The following ALDH18A1 variants were observed in gnomAD, a reference collection of about 807,000 sequenced individuals.
The protein encoded by ALDH18A1 is aldehyde dehydrogenase 18 family member A1.
Under a neutral mutation model 88.8 loss-of-function variants are expected in ALDH18A1, and 44 were observed. The ratio of observed to expected loss-of-function variants is 0.50; its 90% CI spans 0.39 to 0.64. The LOEUF (loss-of-function observed/expected upper bound fraction) is 0.64. Among genes scored for constraint, ALDH18A1 ranks in the 30% least tolerant of loss-of-function variants. ALDH18A1 has a pLI of 0.00. For missense variants in ALDH18A1, 782 were observed against 1,009.5 expected, an observed-to-expected ratio of 0.77 and a Z score of 3.05; for synonymous variants, 331 against 372.1, an observed-to-expected ratio of 0.89 and a Z score of 1.27.
rs573740277 is a variant in ALDH18A1 at position 95,645,169 on chromosome 10, C to G, written c.89-1963G>C. Among the ~76,000 whole-genome samples the G allele has an allele frequency of 2.6e-5, 4 of 152,252 alleles. No individual in the cohort carries two copies. The East Asian group carries it at 7.7e-4, about 29-fold the overall frequency. On this transcript the variant is annotated intron_variant, in intron 2 of 17. Coordinates refer to ENST00000371224, the MANE Select transcript of ALDH18A1 (RefSeq NM_002860.4). ...AGCACTTAAGCAAATAGACGTTCCT[C>G]CCTGATAGCAAGAAGCAAGACAAGG...
intron 17 of ALDH18A1, among the ~76,000 whole-genome samples, chr10:95,609,696 C>G (rs1364712210): frequency 6.6e-6 from 1 of 152,004 alleles, no homozygotes; most frequent in African/African-American, 2.4e-5. Flanking sequence ...AGAAGATAGG[C>G]CTTCCACCAA....
At chr10:95,619,138 T>C (rs547771358) in intron 12 of ALDH18A1, among the ~76,000 whole-genome samples, 11 of 152,286 alleles carry the variant, frequency 7.2e-5, no homozygotes, top group African/African-American at 2.4e-4. Context: ...AGCATTCCTA[T>C]ACATCAGTAA....
rs371284949 is a variant in ALDH18A1 at position 95,635,213 on chromosome 10, C to CAGAG, written c.559-1565_559-1564insCTCT. Among the ~76,000 whole-genome samples, 599 of 152,236 alleles carry CAGAG rather than the reference C, an allele frequency of 3.9e-3. 2 individuals carry two copies. The highest frequency in any genetic ancestry group is 0.013 in the African/African-American group (559 of 41,534). ...AACTCCTTTTCAGAAAAGCTTAGTG[C>CAGAG]TGTTGGACACAGGACTAGGTCCAAA... is the stretch of plus-strand genomic sequence containing the variant. On this transcript the variant is annotated intron_variant, in intron 5 of 17. Coordinates refer to ENST00000371224, the MANE Select transcript of ALDH18A1 (RefSeq NM_002860.4).
intron 3 of ALDH18A1, 78 bp downstream of exon 3, chr10:95,642,914 G>T: frequency 7.2e-7 from 1 of 1,380,120 alleles, no homozygotes. Context: ...TTAAGTTGAT[G>T]AGCAACTTAA....
Position 95,611,404 on chromosome 10 carries a change from C to A in ALDH18A1, c.1962G>T (p.Leu654=). Reference sequence around the variant, plus strand: ...ACTTCACTTCGGAGGGGCTGAAGGTCAGATAGGAGGCAAATTTGGGGCCTG... The same window carrying A: ...ACTTCACTTCGGAGGGGCTGAAGGTAAGATAGGAGGCAAATTTGGGGCCTG... The part of the protein sequence containing the change: ...IHAGPKFASY[L]TFSPSEVKSL... The change falls in exon 16 of 18, where the codon CTG becomes CTT. Residue 654 remains leucine, a synonymous_variant. Coordinates refer to ENST00000371224, the MANE Select transcript of ALDH18A1 (RefSeq NM_002860.4). The A allele has an allele frequency of 6.2e-7, 1 of 1,614,152 alleles. No homozygotes were observed. The highest frequency in any genetic ancestry group is 8.5e-7 in the Non-Finnish European group (1 of 1,180,024).
chr10:95,628,880 GCCATATA>G lies in ALDH18A1; in HGVS notation c.809-395_809-389del. Reference sequence around the variant, plus strand: ...TGGCTATTGCAGAAACAGCATAGCAGCCATATACTGTTTAATGTGACTGTTTCCAAGC... The same window carrying G: ...TGGCTATTGCAGAAACAGCATAGCAGCTGTTTAATGTGACTGTTTCCAAGC... On this transcript the variant is annotated intron_variant, in intron 7 of 17. Coordinates refer to ENST00000371224, the MANE Select transcript of ALDH18A1 (RefSeq NM_002860.4). The G allele has an allele frequency of 9.9e-6, 3 of 301,560 alleles. No individual in the cohort carries two copies. In the South Asian group the frequency reaches 1.0e-4, roughly 10 times the overall value. The allele number at this position is 301,560 out of a possible 1,614,324, so 18.7% of individuals were successfully genotyped here. A position where few individuals can be genotyped will look rare whatever the true frequency, so the allele number is the denominator to read the frequency against.
intron 7 of ALDH18A1, among the ~76,000 whole-genome samples, chr10:95,629,393 C>T (rs2139596976): frequency 1.3e-5 from 2 of 152,246 alleles, no homozygotes; most frequent in East Asian, 1.9e-4. Context: ...GACAATCTTG[C>T]TACATACTAC....
Position 95,613,848 on chromosome 10 carries a change from C to A in ALDH18A1, c.1817G>T (p.Cys606Phe). Reference protein sequence around the residue: ...KVTRLVRDSKCEYPAACNALE... With the variant: ...KVTRLVRDSKFEYPAACNALE... ...AGCATTACAGGCAGCTGGATATTCA[C>A]ATTTAGAGTCTCTGACTGAAAGAAG... Residue 606 changes from cysteine to phenylalanine, a missense_variant, in exon 15 of 18, where the codon TGT becomes TTT. Around this residue, in one of 3 missense-constraint regions of ALDH18A1, gnomAD observed 556 missense variants for 654.5 expected, o/e 0.85. Coordinates refer to ENST00000371224, the MANE Select transcript of ALDH18A1 (RefSeq NM_002860.4). 6.2e-7 allele frequency: 1 copy of A among 1,614,170 alleles called. No homozygotes were observed. Among genetic ancestry groups the A allele is most frequent in the Non-Finnish European group, 8.5e-7 (1 of 1,180,024 alleles).
chr10:95,650,814 TA>T (rs997727826), intron 2 of ALDH18A1, among the ~76,000 whole-genome samples: 10 of 148,954 alleles, frequency 6.7e-5, no homozygotes, highest in Non-Finnish European at 1.5e-4. Context: ...TTCAATAGTT[TA>T]AAAAAAAAAC....
At chr10:95,619,412 T>C (rs1352214373) in intron 12 of ALDH18A1, among the ~76,000 whole-genome samples, 1 of 152,206 alleles carries the variant, frequency 6.6e-6, no homozygotes, top group Admixed American at 6.5e-5. Context: ...TACCAATGAC[T>C]TTCTTCACAG....
At chr10:95,647,806 A>ACAGT (rs2097903640) in intron 2 of ALDH18A1, among the ~76,000 whole-genome samples, 1 of 152,250 alleles carries the variant, frequency 6.6e-6, no homozygotes, top group Non-Finnish European at 1.5e-5. Flanking sequence ...TGCTTCAATC[A>ACAGT]TGCCTATCCA....
chr10:95,631,925 G>C (rs1366172376), intron 7 of ALDH18A1, among the ~76,000 whole-genome samples: 2 of 152,096 alleles, frequency 1.3e-5, no homozygotes, highest in African/African-American at 4.8e-5. Flanking sequence ...TCCACTCTTA[G>C]ATGAAATAAA....
At chr10:95,634,076 GGCCC>G (rs1165327363) in intron 5 of ALDH18A1, among the ~76,000 whole-genome samples, 14 of 151,834 alleles carry the variant, frequency 9.2e-5, no homozygotes, top group African/African-American at 1.9e-4. Flanking sequence ...CACTGCACCT[GGCCC>G]CAATTTTTGT....
In ALDH18A1 at chr10:95,626,709, A is replaced by T. The variant is rs2097860887; in HGVS notation, c.1146T>A (p.Pro382=). The change falls in exon 10 of 18, where the codon CCT becomes CCA. Residue 382 remains proline, a synonymous_variant. Coordinates refer to ENST00000371224, the MANE Select transcript of ALDH18A1 (RefSeq NM_002860.4). ...TATCACCTAAGGTTATTACCTGCTC[A>T]GGTTCCAAGGTGGCCAACATCCTTC... ...SGGRMLATLE[P]EQRAEIIHHL... 6.8e-6 allele frequency: 11 copies of T among 1,613,876 alleles called. No homozygotes were observed. Among genetic ancestry groups the T allele is most frequent in the Non-Finnish European group, 8.5e-6 (10 of 1,179,846 alleles).
At chr10:95,642,668 T>G (rs2097893984) in intron 3 of ALDH18A1, among the ~76,000 whole-genome samples, 1 of 151,360 alleles carries the variant, frequency 6.6e-6, no homozygotes, top group Non-Finnish European at 1.5e-5. Flanking sequence ...TGGCTAGGTG[T>G]GAAGCCCAAG....
chr10:95,628,220 T>C (rs1404986436), intron 8 of ALDH18A1, 148 bp downstream of exon 8: 2 of 1,175,346 alleles, frequency 1.7e-6, no homozygotes, highest in Non-Finnish European at 2.5e-6. Context: ...CAACACTCAT[T>C]AAATCTGTAT....
At chr10:95,636,936 G>A (rs558008674) in intron 5 of ALDH18A1, among the ~76,000 whole-genome samples, 157 bp downstream of exon 5, 1 of 152,288 alleles carries the variant, frequency 6.6e-6, no homozygotes, top group East Asian at 1.9e-4. Flanking sequence ...TTCAGATGAG[G>A]AAACTGAGGC....
At chr10:95,641,499 G>GTT (rs35183969) in intron 3 of ALDH18A1, among the ~76,000 whole-genome samples, 92 of 76,390 alleles carry the variant, frequency 1.2e-3, no homozygotes, top group South Asian at 4.8e-3. Flanking sequence ...GGTGTTTTTT[G>GTT]TTTTTTTTTT....
chr10:95,646,049 T>C (rs189004136), intron 2 of ALDH18A1, among the ~76,000 whole-genome samples: 56 of 152,314 alleles, frequency 3.7e-4, no homozygotes, highest in African/African-American at 1.3e-3. Context: ...CTTACTCCCC[T>C]AGGGTTTGGA....
Sources: allele counts gnomAD v4.1 joint callset (sites outside exome capture counted in the v4.1 genomes callset), GRCh38; gene constraint gnomAD v4.1.1; regional missense constraint gnomAD v4.1.1; transcripts MANE v1.5; gene names NCBI Gene and HGNC (gene_info 2026-07-23, HGNC 2026-07-21).